The following OR6C75 variants were observed in gnomAD, a reference collection of about 807,000 sequenced individuals.
OR6C75 encodes olfactory receptor family 6 subfamily C member 75.
For missense variants in OR6C75, 380 were observed against 368.0 expected (o/e 1.03, Z -0.27); for synonymous variants, 149 against 130.6 (o/e 1.14, Z -0.96).
rs1869812075 is a variant in OR6C75, at chr12:55,366,603, G to A, written c.*554G>A. 6.6e-6 allele frequency: 1 copy of A among 151,794 alleles called. No homozygotes were observed. The highest frequency in any genetic ancestry group is 2.4e-5 in the African/African-American group (1 of 41,358). The allele number at this position is 151,794 out of a possible 1,614,324, so 9.4% of individuals were successfully genotyped here. A position where few individuals can be genotyped will look rare whatever the true frequency, so the allele number is the denominator to read the frequency against. On this transcript the variant is annotated 3_prime_UTR_variant, in exon 3 of 3. Coordinates refer to ENST00000641576, the MANE Select transcript of OR6C75 (RefSeq NM_001005497.2). Reference sequence around the variant, plus strand: ...TAAAATTTTTTCTTCAATGTCACCAGGAAAAACATGTTATAAAACTAAAAG... The same window carrying A: ...TAAAATTTTTTCTTCAATGTCACCAAGAAAAACATGTTATAAAACTAAAAG...
Position 55,363,136 on chromosome 12 carries a change from A to G in OR6C75, c.-326+87A>G, listed in dbSNP as rs188497149. ...TATGTATGCCCTTCTTGTAAACGTT[A>G]TAGAGAAGCTCTTGAAATTGTTCTT... is the stretch of plus-strand genomic sequence containing the variant. On this transcript the variant is annotated intron_variant, in intron 1 of 2. Coordinates refer to ENST00000641576, the MANE Select transcript of OR6C75 (RefSeq NM_001005497.2). 3.3e-5 allele frequency: 5 copies of G among 152,252 alleles called. No individual in the cohort carries two copies. In the East Asian group the frequency reaches 9.6e-4, roughly 29 times the overall value. The allele number at this position is 152,252 out of a possible 1,614,324, so 9.4% of individuals were successfully genotyped here. A position where few individuals can be genotyped will look rare whatever the true frequency, so the allele number is the denominator to read the frequency against.
intron 2 of OR6C75, among the ~76,000 whole-genome samples, chr12:55,364,624 G>A (rs1869748944): frequency 6.6e-6 from 1 of 151,916 alleles, no homozygotes; most frequent in African/African-American, 2.4e-5. Context: ...ACTGCGCCCA[G>A]CCTACAGTTA....
chr12:55,367,438 A>G lies in OR6C75; in HGVS notation c.*1389A>G, dbSNP rs1188164483. On this transcript the variant is annotated 3_prime_UTR_variant, in exon 3 of 3. Coordinates refer to ENST00000641576, the MANE Select transcript of OR6C75 (RefSeq NM_001005497.2). Reference sequence around the variant, plus strand: ...TCAATAGACACAGAAAAAATAGTCAATAAATCCAACATCCCTTTATGACAA... The same window carrying G: ...TCAATAGACACAGAAAAAATAGTCAGTAAATCCAACATCCCTTTATGACAA... The G allele has an allele frequency of 6.6e-6, 1 of 152,214 alleles. No homozygotes were observed. Among genetic ancestry groups the G allele is most frequent in the Non-Finnish European group, 1.5e-5 (1 of 68,032 alleles). The allele number at this position is 152,214 out of a possible 1,614,324, so 9.4% of individuals were successfully genotyped here.
intron 1 of OR6C75, among the ~76,000 whole-genome samples, 175 bp downstream of exon 1, chr12:55,363,224 A>G (rs1167876081): frequency 6.6e-6 from 1 of 152,168 alleles, no homozygotes; most frequent in Non-Finnish European, 1.5e-5. Context: ...ACAGATTGCA[A>G]AAGCTCTTGA....
rs747783321 is a variant in OR6C75, at chr12:55,365,892, C to G, written c.782C>G (p.Ser261Cys). The stretch of plus-strand genomic sequence containing the variant: ...TGTATCTTCATGTACATTAAGACTT[C>G]TGCCAGAGAAAGGGTGACTTTAAGC... Reference protein sequence around the residue: ...SSCIFMYIKTSARERVTLSKG... With the variant: ...SSCIFMYIKTCARERVTLSKG... Residue 261 changes from serine (S) to cysteine (C), a missense_variant, in exon 3 of 3, where the codon TCT becomes TGT. Physicochemically the swap from Ser to Cys is moderately radical, Grantham distance 112. Transcript: ENST00000641576. The G allele has an allele frequency of 6.2e-7, 1 of 1,613,942 alleles. No individual in the cohort carries two copies. Among genetic ancestry groups the G allele is most frequent in the African/African-American group, 1.3e-5 (1 of 75,024 alleles).
At position 55,366,494 on chromosome 12, in the gene OR6C75, A is replaced by G. The variant is rs1428707145; in HGVS notation, c.*445A>G. ...CATTCATAAAATAGAGGTAGCTATA[A>G]ATTAAAAACTTACTAAAACCACATT... On this transcript the variant is annotated 3_prime_UTR_variant, in exon 3 of 3. Transcript: ENST00000641576. 1.3e-5 allele frequency: 2 copies of G among 152,194 alleles called. No homozygotes were observed. The highest frequency in any genetic ancestry group is 1.5e-5 in the Non-Finnish European group (1 of 68,058). The allele number at this position is 152,194 out of a possible 1,614,324, so 9.4% of individuals were successfully genotyped here. A position where few individuals can be genotyped will look rare whatever the true frequency, so the allele number is the denominator to read the frequency against.
rs781079632 is a variant in OR6C75 at position 55,365,104 on chromosome 12, A to T, written c.-7A>T. On this transcript the variant is annotated 5_prime_UTR_variant, in exon 3 of 3. Transcript: ENST00000641576. ...AAATACAGAATACTTTTCTAAAGAA[A>T]AAAATAATGAGAAATTCCACAGCAG... The T allele has an allele frequency of 1.3e-6, 2 of 1,594,382 alleles. No homozygotes were observed. Among genetic ancestry groups the T allele is most frequent in the Non-Finnish European group, 1.7e-6 (2 of 1,170,460 alleles).
Position 55,364,312 on chromosome 12 carries a change from C to CTTTTTTTTTTTTTTTTTTTTTTT in OR6C75, c.-236+438_-236+460dup. Among the ~76,000 whole-genome samples, 9 of 17,164 alleles carry CTTTTTTTTTTTTTTTTTTTTTTT rather than the reference C, an allele frequency of 5.2e-4. 4 individuals are homozygous for CTTTTTTTTTTTTTTTTTTTTTTT. Among genetic ancestry groups the CTTTTTTTTTTTTTTTTTTTTTTT allele is most frequent in the African/African-American group, 7.2e-4 (5 of 6,970 alleles). The allele number at this position is 17,164 out of a possible 152,430, so 11.3% of individuals were successfully genotyped here. A position where few individuals can be genotyped will look rare whatever the true frequency, so the allele number is the denominator to read the frequency against. On this transcript the variant is annotated intron_variant, in intron 2 of 2. Coordinates refer to ENST00000641576, the MANE Select transcript of OR6C75 (RefSeq NM_001005497.2). Reference sequence around the variant, plus strand: ...TTTTTTTTACATTTAGTTTCTTTTCCTTTTTTTTTTTTTTTTTTTTTTTTT... The same window carrying CTTTTTTTTTTTTTTTTTTTTTTT: ...TTTTTTTTACATTTAGTTTCTTTTCCTTTTTTTTTTTTTTTTTTTTTTTTTTTTTTTTTTTTTTTTTTTTTTTT...
Position 55,365,838 on chromosome 12 carries a change from T to A in OR6C75, c.728T>A (p.Met243Lys), listed in dbSNP as rs760024759. 15 of 1,613,680 alleles carry A rather than the reference T, an allele frequency of 9.3e-6. No individual in the cohort carries two copies. The Middle Eastern group carries it at 1.2e-3, about 124-fold the overall frequency. Reference protein sequence around the residue: ...KKAFSTCSSHMIVVSISYSSC... With the variant: ...KKAFSTCSSHKIVVSISYSSC... ...GCCTTTTCCACTTGCTCCTCCCATA[T>A]GATAGTTGTCTCCATCTCTTACAGT... The change falls in exon 3 of 3, where the codon ATG becomes AAG. Residue 243 changes from methionine to lysine, a missense_variant. Physicochemically the swap from Met to Lys is moderately conservative, Grantham distance 95. Coordinates refer to ENST00000641576, the MANE Select transcript of OR6C75 (RefSeq NM_001005497.2).
intron 1 of OR6C75, among the ~76,000 whole-genome samples, 197 bp downstream of exon 1, chr12:55,363,246 G>C (rs192708551): frequency 2.8e-4 from 42 of 152,098 alleles, no homozygotes; most frequent in African/African-American, 9.9e-4. Flanking sequence ...AAATCCAACA[G>C]CATTTATGTT....
chr12:55,365,806 GA>G lies in OR6C75; in HGVS notation c.702del (p.Ala235ProfsTer9). On this transcript the variant is annotated frameshift_variant, in exon 3 of 3. Coordinates refer to ENST00000641576, the MANE Select transcript of OR6C75 (RefSeq NM_001005497.2). LOFTEE classifies it low-confidence loss of function (END_TRUNC). ...ILKIPSMSQR[K>X]KAFSTCSSHM... ...TGAAAATTCCTTCTATGAGTCAAAG[GA>G]AAAAAGCCTTTTCCACTTGCTCCTC... The G allele has an allele frequency of 6.2e-7, 1 of 1,613,572 alleles. No homozygotes were observed. Among genetic ancestry groups the G allele is most frequent in the Non-Finnish European group, 8.5e-7 (1 of 1,179,936 alleles).
Position 55,365,715 on chromosome 12 carries a change from T to C in OR6C75, c.605T>C (p.Val202Ala), listed in dbSNP as rs112334098. 1.2e-4 allele frequency: 187 copies of C among 1,614,142 alleles called. No homozygotes were observed. The East Asian group carries it at 3.6e-3, about 31-fold the overall frequency. ...GAACTCATGGCATTTTTTTTAGCTG[T>C]GGTAACACTGATGGTCACCTTGACA... ...FLELMAFFLAVVTLMVTLTLV... is the reference protein window; with the variant it reads ...FLELMAFFLAAVTLMVTLTLV... Residue 202 changes from valine (V) to alanine (A), a missense_variant, in exon 3 of 3, where the codon GTG becomes GCG. Val to Ala is a moderately conservative substitution (Grantham distance 64). Coordinates refer to ENST00000641576, the MANE Select transcript of OR6C75 (RefSeq NM_001005497.2).
chr12:55,368,241 G>C lies in OR6C75; in HGVS notation c.*2192G>C, dbSNP rs938487573. On this transcript the variant is annotated 3_prime_UTR_variant, in exon 3 of 3. Coordinates refer to ENST00000641576, the MANE Select transcript of OR6C75 (RefSeq NM_001005497.2). ...GCCTGTAATCCCAGCACTTTGAGAGGCTGAGGCTGGTGGATCACTTGAGGC... is the reference window on the plus strand; with the variant it reads ...GCCTGTAATCCCAGCACTTTGAGAGCCTGAGGCTGGTGGATCACTTGAGGC... 1 of 152,324 alleles carries C rather than the reference G, an allele frequency of 6.6e-6. No homozygotes were observed. The highest frequency in any genetic ancestry group is 1.5e-5 in the Non-Finnish European group (1 of 68,228). The allele number at this position is 152,324 out of a possible 1,614,324, so 9.4% of individuals were successfully genotyped here.
At chr12:55,364,312 C>CTTTTTTTTTTT (rs59247539) in intron 2 of OR6C75, among the ~76,000 whole-genome samples, 625 of 17,172 alleles carry the variant, frequency 0.036, 227 homozygotes, top group Non-Finnish European at 0.058. Context: ...GTTTCTTTTC[C>CTTTTTTTTTTT]TTTTTTTTTT....
chr12:55,363,561 T>G (rs1216916978), intron 1 of OR6C75, among the ~76,000 whole-genome samples: 2 of 152,166 alleles, frequency 1.3e-5, no homozygotes, highest in East Asian at 1.9e-4. Flanking sequence ...AAAAAGTAGA[T>G]TATAAAAATT....
At position 55,368,764 on chromosome 12, in the gene OR6C75, G is replaced by A. The variant is rs1164080878; in HGVS notation, c.*2715G>A. 6.6e-6 allele frequency: 1 copy of A among 152,120 alleles called. No homozygotes were observed. Among genetic ancestry groups the A allele is most frequent in the African/African-American group, 2.4e-5 (1 of 41,438 alleles). The allele number at this position is 152,120 out of a possible 1,614,324, so 9.4% of individuals were successfully genotyped here. Reference sequence around the variant, plus strand: ...TGTCTGATATACAGGTGAATGTAAAGAGCTCTACAGGTTTTCTAAGTCTGT... The same window carrying A: ...TGTCTGATATACAGGTGAATGTAAAAAGCTCTACAGGTTTTCTAAGTCTGT... On this transcript the variant is annotated 3_prime_UTR_variant, in exon 3 of 3. Coordinates refer to ENST00000641576, the MANE Select transcript of OR6C75 (RefSeq NM_001005497.2).
Position 55,365,765 on chromosome 12 carries a change from A to C in OR6C75, c.655A>C (p.Ile219Leu). Residue 219 changes from isoleucine to leucine, a missense_variant, in exon 3 of 3, where the codon ATC (isoleucine) becomes CTC (leucine). Transcript: ENST00000641576. ...ATTAGTTATTCTCTCCTACACAAAC[A>C]TCATCCGGACAATTCTGAAAATTCC... ...LTLVILSYTN[I>L]IRTILKIPSM... 4 of 1,614,006 alleles carry C rather than the reference A, an allele frequency of 2.5e-6. No homozygotes were observed. The highest frequency in any genetic ancestry group is 3.4e-6 in the Non-Finnish European group (4 of 1,180,004).
At chr12:55,364,385 G>A (rs112434065) in intron 2 of OR6C75, among the ~76,000 whole-genome samples, 2,043 of 125,944 alleles carry the variant, frequency 0.016, 51 homozygotes, top group African/African-American at 0.059. Flanking sequence ...GAGTGCAATG[G>A]TGCGATCTCA....
At position 55,366,067 on chromosome 12, in the gene OR6C75, A is replaced by G. The variant is rs7489047; in HGVS notation, c.*18A>G. 327,413 of 1,476,020 alleles carry G rather than the reference A, an allele frequency of 0.22. 38,071 individuals are homozygous for G. Among genetic ancestry groups the G allele is most frequent in the East Asian group, 0.49 (21,506 of 44,002 alleles). 91.4% of individuals were successfully genotyped at this position (1,476,020 alleles called of 1,614,324 possible). ...ATAAATGAATGTGATTATGTAAAAA[A>G]TGTACCCCCAAAGGCAAAGCTGAAT... On this transcript the variant is annotated 3_prime_UTR_variant, in exon 3 of 3. Coordinates refer to ENST00000641576, the MANE Select transcript of OR6C75 (RefSeq NM_001005497.2).
Sources: gnomAD v4.1 joint callset for allele counts (sites outside exome capture counted in the v4.1 genomes callset) on GRCh38, gnomAD v4.1.1 for gene constraint, MANE v1.5 for transcripts, NCBI Gene and HGNC (gene_info 2026-07-23, HGNC 2026-07-21) for gene names.